Variants in PDCD1LG2 observed in about 807,000 individuals in gnomAD.
The protein encoded by PDCD1LG2 is B7 dendritic cell molecule.
A neutral mutation model predicts 28.2 loss-of-function variants in PDCD1LG2; 32 were observed. The observed-to-expected ratio is 1.13, with a 90% CI of 0.86 to 1.52. The LOEUF (loss-of-function observed/expected upper bound fraction) is 1.52. Among genes scored for constraint, PDCD1LG2 ranks in the 40% most tolerant of loss-of-function variants. The pLI, the probability that PDCD1LG2 is intolerant of heterozygous loss-of-function variation, is 0.00. For missense variants in PDCD1LG2, 385 were observed against 323.8 expected (o/e 1.19, Z -1.45); for synonymous variants, 116 against 120.2 (o/e 0.97, Z 0.23).
intron 6 of PDCD1LG2, among the ~76,000 whole-genome samples, chr9:5,566,888 T>C (rs1202115862): frequency 6.6e-6 from 1 of 152,120 alleles, no homozygotes; most frequent in Non-Finnish European, 1.5e-5. Context: ...CTATTAAAAA[T>C]GTTATTTATA....
chr9:5,542,059 G>A (rs960129510), intron 3 of PDCD1LG2, among the ~76,000 whole-genome samples: 2 of 152,190 alleles, frequency 1.3e-5, no homozygotes, highest in African/African-American at 4.8e-5. Context: ...CTTTGACAAA[G>A]CAAACAAAAA....
chr9:5,525,940 G>A (rs756450062), intron 2 of PDCD1LG2, among the ~76,000 whole-genome samples: 12 of 151,930 alleles, frequency 7.9e-5, no homozygotes, highest in Non-Finnish European at 1.6e-4. Context: ...CCAGCTACTC[G>A]GGAGTCTGAG....
At chr9:5,553,876 T>A (rs947132855) in intron 4 of PDCD1LG2, among the ~76,000 whole-genome samples, 2 of 152,200 alleles carry the variant, frequency 1.3e-5, no homozygotes, top group Admixed American at 1.3e-4. Context: ...CTGACATGGA[T>A]CCTCTGCTTC....
At chr9:5,559,380 C>CTCT (rs1462825958) in intron 5 of PDCD1LG2, among the ~76,000 whole-genome samples, 3 of 152,184 alleles carry the variant, frequency 2.0e-5, no homozygotes, top group Non-Finnish European at 2.9e-5. Context: ...TTCAGATCTG[C>CTCT]TTTCTTACAT....
chr9:5,561,594 T>A (rs956468740), intron 5 of PDCD1LG2, among the ~76,000 whole-genome samples: 9 of 152,248 alleles, frequency 5.9e-5, no homozygotes, highest in Admixed American at 1.3e-4. Flanking sequence ...GAGTGACTTA[T>A]ACATTGACTT....
chr9:5,549,903 C>A (rs1329877291), intron 4 of PDCD1LG2, among the ~76,000 whole-genome samples: 1 of 152,196 alleles, frequency 6.6e-6, no homozygotes, highest in African/African-American at 2.4e-5. Flanking sequence ...AGGGTGGAAA[C>A]TGGATGAATG....
chr9:5,515,118 C>A (rs1190349832), intron 1 of PDCD1LG2, among the ~76,000 whole-genome samples: 1 of 152,206 alleles, frequency 6.6e-6, no homozygotes, highest in Non-Finnish European at 1.5e-5. Flanking sequence ...CAAGTTCCCA[C>A]AAGCATTTCT....
At position 5,570,627 on chromosome 9, in the gene PDCD1LG2, A is replaced by G. The variant is rs1260270392; in HGVS notation, c.*668A>G. On this transcript the variant is annotated 3_prime_UTR_variant, in exon 7 of 7. Transcript: ENST00000397747. ...AGCATTTGTTTTAACCTGTAATGGC[A>G]CCATGTTTAATGGTGGTTTTTTTTT... 4.3e-6 allele frequency: 1 copy of G among 232,626 alleles called. No homozygotes were observed. The highest frequency in any genetic ancestry group is 6.1e-5 in the East Asian group (1 of 16,442). The allele number at this position is 232,626 out of a possible 1,614,324, so 14.4% of individuals were successfully genotyped here.
intron 1 of PDCD1LG2, among the ~76,000 whole-genome samples, chr9:5,518,533 T>C (rs1354100251): frequency 1.3e-5 from 2 of 152,248 alleles, no homozygotes; most frequent in East Asian, 3.8e-4. Flanking sequence ...CTTGGATATA[T>C]ATGCATCTGA....
At chr9:5,546,859 T>C (rs975834827) in intron 3 of PDCD1LG2, among the ~76,000 whole-genome samples, 5 of 152,194 alleles carry the variant, frequency 3.3e-5, no homozygotes, top group African/African-American at 1.2e-4. Context: ...GAGGCCCAGC[T>C]GGGTGTGCTG....
chr9:5,567,141 T>C (rs1816682233), intron 6 of PDCD1LG2, among the ~76,000 whole-genome samples: 1 of 152,226 alleles, frequency 6.6e-6, no homozygotes, highest in East Asian at 1.9e-4. Flanking sequence ...AAATACATTA[T>C]ATAGGACTCT....
chr9:5,546,461 C>T (rs148096549), intron 3 of PDCD1LG2, among the ~76,000 whole-genome samples: 65 of 152,230 alleles, frequency 4.3e-4, no homozygotes, highest in African/African-American at 1.6e-3. Context: ...AGTGAGTACT[C>T]GAAATACACA....
chr9:5,557,836 G>A (rs539097650), intron 5 of PDCD1LG2, 84 bp downstream of exon 5: 1 of 1,526,630 alleles, frequency 6.6e-7, no homozygotes, highest in Non-Finnish European at 9.0e-7. Context: ...CCTATGGCTT[G>A]CTGCTTTCAT....
intron 6 of PDCD1LG2, among the ~76,000 whole-genome samples, chr9:5,568,490 C>G (rs568200520): frequency 6.6e-6 from 1 of 152,142 alleles, no homozygotes; most frequent in African/African-American, 2.4e-5. Context: ...GAAACTATAG[C>G]CTACCCCCAC....
At chr9:5,563,694 T>A (rs1236001801) in intron 6 of PDCD1LG2, among the ~76,000 whole-genome samples, 2 of 152,166 alleles carry the variant, frequency 1.3e-5, no homozygotes, top group African/African-American at 2.4e-5. Context: ...ACTAAAATCA[T>A]TAAGCCTGGT....
intron 3 of PDCD1LG2, among the ~76,000 whole-genome samples, chr9:5,537,296 T>C (rs1820598323): frequency 6.6e-6 from 1 of 152,200 alleles, no homozygotes; most frequent in Non-Finnish European, 1.5e-5. Flanking sequence ...TGAATTCTAT[T>C]ATATAAAATC....
In PDCD1LG2 at chr9:5,570,034, T is replaced by A. The variant is rs1457975107; in HGVS notation, c.*75T>A. On this transcript the variant is annotated 3_prime_UTR_variant, in exon 7 of 7. Coordinates refer to ENST00000397747, the MANE Select transcript of PDCD1LG2 (RefSeq NM_025239.4). Reference sequence around the variant, plus strand: ...TTCTGGACTCTGAACAAGAATTCGGTGGCCTGCAGAGCTTGCCATTTGCAC... The same window carrying A: ...TTCTGGACTCTGAACAAGAATTCGGAGGCCTGCAGAGCTTGCCATTTGCAC... The A allele has an allele frequency of 1.3e-6, 2 of 1,594,488 alleles. No homozygotes were observed. Among genetic ancestry groups the A allele is most frequent in the Admixed American group, 3.4e-5 (2 of 59,356 alleles).
chr9:5,533,020 C>G (rs1018519258), intron 2 of PDCD1LG2, among the ~76,000 whole-genome samples: 8 of 152,200 alleles, frequency 5.3e-5, no homozygotes, highest in African/African-American at 1.4e-4. Context: ...CCAGGCTCAC[C>G]TGTCACTATA....
At chr9:5,536,142 G>A (rs1182077016) in intron 3 of PDCD1LG2, among the ~76,000 whole-genome samples, 1 of 152,206 alleles carries the variant, frequency 6.6e-6, no homozygotes, top group Non-Finnish European at 1.5e-5. Context: ...GACTGGACAT[G>A]AGGATGAATA....
Sources: gnomAD v4.1 joint callset for allele counts (sites outside exome capture counted in the v4.1 genomes callset) on GRCh38, gnomAD v4.1.1 for gene constraint, MANE v1.5 for transcripts, NCBI Gene and HGNC (gene_info 2026-07-23, HGNC 2026-07-21) for gene names.